Variants in IP6K3 observed in about 807,000 individuals in gnomAD.
The protein encoded by IP6K3 is inositol hexakisphosphate kinase 3.
Under a neutral mutation model 28.8 loss-of-function variants are expected in IP6K3, and 20 were observed. The ratio of observed to expected loss-of-function variants is 0.70; its 90% confidence interval spans 0.49 to 1.01. IP6K3 has a LOEUF of 1.01. Among genes scored for constraint, IP6K3 ranks in the 50% least tolerant of loss-of-function variants. IP6K3 has a pLI of 0.00. For missense variants in IP6K3, 480 were observed against 537.1 expected, an observed-to-expected ratio of 0.89 and a Z score of 1.05; for synonymous variants, 213 against 221.3, an observed-to-expected ratio of 0.96 and a Z score of 0.33.
upstream of IP6K3, among the ~76,000 whole-genome samples, chr6:33,750,937 T>G (rs1767013260): frequency 6.6e-6 from 1 of 152,054 alleles, no homozygotes; most frequent in Non-Finnish European, 1.5e-5. The surrounding 1 kb of genome is among the most constrained non-coding windows in gnomAD (Gnocchi z 4.3). Context: ...CTTCCCACAG[T>G]GTAAACATGG....
upstream of IP6K3, among the ~76,000 whole-genome samples, chr6:33,748,951 G>A (rs543315102): frequency 3.3e-4 from 50 of 152,156 alleles, no homozygotes; most frequent in African/African-American, 1.1e-3. Flanking sequence ...GGCCTCTTGT[G>A]TGCTCTGTCC....
the IP6K3 span, among the ~76,000 whole-genome samples, chr6:33,758,227 C>T: frequency 6.6e-6 from 1 of 152,094 alleles, no homozygotes; most frequent in Admixed American, 6.6e-5. Flanking sequence ...ATAGAAAGCT[C>T]AGGGGCCGGA....
upstream of IP6K3, among the ~76,000 whole-genome samples, chr6:33,750,952 C>T (rs974656955): frequency 2.0e-5 from 3 of 152,260 alleles, no homozygotes; most frequent in Non-Finnish European, 2.9e-5. The surrounding 1 kb of genome is among the most constrained non-coding windows in gnomAD (Gnocchi z 4.3). Flanking sequence ...ACATGGGTGG[C>T]GGCTACAGAC....
At chr6:33,759,834 C>T in the IP6K3 span, among the ~76,000 whole-genome samples, 1 of 151,328 alleles carries the variant, frequency 6.6e-6, no homozygotes, top group Non-Finnish European at 1.5e-5. Context: ...GATTGCGCCA[C>T]TGAACTCCAG....
intron 1 of IP6K3, among the ~76,000 whole-genome samples, chr6:33,745,343 G>A (rs935365738): frequency 7.9e-5 from 12 of 152,196 alleles, no homozygotes; most frequent in African/African-American, 2.9e-4. Context: ...GGACAGGGAG[G>A]GCCCCAGAGG....
upstream of IP6K3, among the ~76,000 whole-genome samples, chr6:33,750,534 G>A (rs1458379589): frequency 6.6e-6 from 1 of 152,192 alleles, no homozygotes; most frequent in East Asian, 1.9e-4. The surrounding 1 kb of genome is among the most constrained non-coding windows in gnomAD (Gnocchi z 4.3). Flanking sequence ...TATGCCAGCT[G>A]TAGTTGCATA....
At position 33,726,717 on chromosome 6, in the gene IP6K3, G is replaced by T. The variant is rs769102244; in HGVS notation, c.589+14C>A. 16 of 1,564,620 alleles carry T rather than the reference G, an allele frequency of 1.0e-5. No individual in the cohort carries two copies. Among genetic ancestry groups the T allele is most frequent in the Non-Finnish European group, 1.4e-5 (16 of 1,146,480 alleles). On this transcript the variant is annotated intron_variant, in intron 4 of 5. Transcript: ENST00000293756. ...CGCCCTTGGGACCACATGTGAGGGG[G>T]ATGGCAAGGATACGATGCCGCTTGT... is the stretch of plus-strand genomic sequence containing the variant.
chr6:33,756,143 C>T, the IP6K3 span, among the ~76,000 whole-genome samples: 1 of 152,160 alleles, frequency 6.6e-6, no homozygotes, highest in East Asian at 1.9e-4. Context: ...GGATTACAGG[C>T]GTGAGCCACC....
In IP6K3 at chr6:33,726,926, A is replaced by G. The variant is rs758949286; in HGVS notation, c.414-20T>C. On this transcript the variant is annotated intron_variant, in intron 3 of 5. Coordinates refer to ENST00000293756, the MANE Select transcript of IP6K3 (RefSeq NM_054111.5). ...GCCGGGCTGCGGCGGAGTGGAGCAC[A>G]GGACGGTCAGAGCAGAGGTCTGGGG... 1.3e-6 allele frequency: 2 copies of G among 1,582,142 alleles called. No homozygotes were observed. The highest frequency in any genetic ancestry group is 1.7e-6 in the Non-Finnish European group (2 of 1,157,630).
At chr6:33,726,386 G>A (rs1284387651) in intron 4 of IP6K3, among the ~76,000 whole-genome samples, 5 of 152,274 alleles carry the variant, frequency 3.3e-5, no homozygotes, top group East Asian at 3.9e-4. Flanking sequence ...CTGCCCCCAC[G>A]CAACATGGCA....
chr6:33,727,206 C>T (rs1766151416), intron 3 of IP6K3, among the ~76,000 whole-genome samples: 1 of 152,152 alleles, frequency 6.6e-6, no homozygotes, highest in Non-Finnish European at 1.5e-5. Flanking sequence ...TTATTAATGG[C>T]CTTATTATTG....
In IP6K3 at chr6:33,729,646, C is replaced by G. The variant is rs1463191770; in HGVS notation, c.200-1346G>C. ...TTTCCAGTGTTGCTGGTCCCTGGGT[C>G]CCCCCAGTCCCTGGTTGTACCCCTG... On this transcript the variant is annotated intron_variant, in intron 2 of 5. Transcript: ENST00000293756. Among the ~76,000 whole-genome samples, 6 of 152,238 alleles carry G rather than the reference C, an allele frequency of 3.9e-5. No homozygotes were observed. In the East Asian group the frequency reaches 7.7e-4, roughly 20 times the overall value.
In IP6K3 at chr6:33,742,148, A is replaced by G. The variant is rs1403148470; in HGVS notation, c.-180+4610T>C. On this transcript the variant is annotated intron_variant, in intron 1 of 5. Coordinates refer to ENST00000293756, the MANE Select transcript of IP6K3 (RefSeq NM_054111.5). This position sits in a 1 kb window ranked among gnomAD's most constrained non-coding sequence, Gnocchi z 4.5. ...TTCAGATGGAGACACTGAGGGTCAG[A>G]ATGGTTGCAGAGTTTTCCCGGGGTC... is the stretch of plus-strand genomic sequence containing the variant. 6.6e-6 allele frequency among the ~76,000 whole-genome samples: 1 copy of G among 152,076 alleles called. No homozygotes were observed. Among genetic ancestry groups the G allele is most frequent in the Admixed American group, 6.5e-5 (1 of 15,278 alleles).
chr6:33,741,206 TA>T (rs1232552076), intron 1 of IP6K3, among the ~76,000 whole-genome samples: 14 of 152,314 alleles, frequency 9.2e-5, no homozygotes, highest in Admixed American at 9.2e-4. Context: ...ACATACTGGA[TA>T]TATAGCATTA....
chr6:33,723,186 A>G lies in IP6K3; in HGVS notation c.767T>C (p.Val256Ala). 5.8e-6 allele frequency: 9 copies of G among 1,544,994 alleles called. No homozygotes were observed. Among genetic ancestry groups the G allele is most frequent in the Non-Finnish European group, 7.9e-6 (9 of 1,143,270 alleles). Residue 256 changes from valine to alanine, a missense_variant and splice_region_variant, in exon 6 of 6, where the codon GTT (valine) becomes GCT (alanine). By Grantham distance (64) the Val-to-Ala change is moderately conservative (BLOSUM62 0). Coordinates refer to ENST00000293756, the MANE Select transcript of IP6K3 (RefSeq NM_054111.5). ...AAAGTACTTCTTATCTGTTTGATAA[A>G]CCTTACATTAAAAAGAATAAAGAAA... ...CLGVRICGMQ[V>A]YQTDKKYFLC...
chr6:33,725,377 T>G, intron 5 of IP6K3, 64 bp downstream of exon 5: 1 of 1,490,982 alleles, frequency 6.7e-7, no homozygotes, highest in Non-Finnish European at 9.0e-7. Flanking sequence ...GGATGGGAGA[T>G]ATCCTTGCCC....
intron 2 of IP6K3, among the ~76,000 whole-genome samples, chr6:33,732,751 G>A (rs746812110): frequency 6.6e-6 from 1 of 152,208 alleles, no homozygotes; most frequent in Non-Finnish European, 1.5e-5. Flanking sequence ...ATTAGTGCAC[G>A]GAAGCTGCTT....
chr6:33,728,187 C>T lies in IP6K3; in HGVS notation c.313G>A (p.Ala105Thr). The T allele has an allele frequency of 6.2e-7, 1 of 1,613,774 alleles. No individual in the cohort carries two copies. The highest frequency in any genetic ancestry group is 8.5e-7 in the Non-Finnish European group (1 of 1,180,050). ...GTCTGCTGGAGCGTCTGCCATATGGCCACCGCCGCCGACTCTGTGGAGACC... is the reference window on the plus strand; with the variant it reads ...GTCTGCTGGAGCGTCTGCCATATGGTCACCGCCGCCGACTCTGTGGAGACC... The part of the protein sequence containing the change: ...FKVSTESAAV[A>T]IWQTLQQTTG... Residue 105 changes from alanine (A) to threonine (T), a missense_variant, in exon 3 of 6, where the codon GCC (alanine) becomes ACC (threonine). By Grantham distance (58) the Ala-to-Thr change is moderately conservative (BLOSUM62 0). Coordinates refer to ENST00000293756, the MANE Select transcript of IP6K3 (RefSeq NM_054111.5).
upstream of IP6K3, among the ~76,000 whole-genome samples, chr6:33,750,431 T>A (rs1002589212): frequency 4.6e-5 from 7 of 152,326 alleles, no homozygotes; most frequent in Middle Eastern, 6.8e-3. The surrounding 1 kb of genome is among the most constrained non-coding windows in gnomAD (Gnocchi z 4.3). Flanking sequence ...ATCCTTCAGA[T>A]GCCAGCTCCA....
Sources: allele counts gnomAD v4.1 joint callset (sites outside exome capture counted in the v4.1 genomes callset), GRCh38; gene constraint gnomAD v4.1.1; non-coding constraint Gnocchi (gnomAD v3.1); transcripts MANE v1.5; gene names NCBI Gene and HGNC (gene_info 2026-07-23, HGNC 2026-07-21).